Variants in RGS22 observed in about 807,000 individuals in gnomAD.
RGS22 encodes regulator of G protein signaling 22.
In RGS22, 148 loss-of-function variants were observed where a neutral mutation model predicts 172.9. The ratio of observed to expected loss-of-function variants is 0.86; its 90% confidence interval spans 0.75 to 0.98. RGS22 has a LOEUF of 0.98. RGS22 is among the 50% of genes least tolerant of loss of function. The pLI is 0.00. For missense variants in RGS22, 1,347 were observed against 1,440.8 expected (o/e 0.93, Z 1.05); for synonymous variants, 458 against 480.2 (o/e 0.95, Z 0.60).
At chr8:100,003,040 G>C (rs1240952585) in intron 17 of RGS22, 1 of 160,240 alleles carries the variant, frequency 6.2e-6, no homozygotes, top group Non-Finnish European at 1.4e-5. Flanking sequence ...GGGCGACAGA[G>C]TGAGACCTTG....
At chr8:100,026,547 T>A (rs1818196290) in intron 14 of RGS22, among the ~76,000 whole-genome samples, 1 of 152,208 alleles carries the variant, frequency 6.6e-6, no homozygotes. Flanking sequence ...ATGGGACCCA[T>A]GAAGTGACTT....
Position 100,065,836 on chromosome 8 carries a change from C to CA in RGS22, c.724+330dup, listed in dbSNP as rs1176614101. Reference sequence around the variant, plus strand: ...AAGAAATAATGACATTGATTGACTGCATATTAGGTACCAAGCACCAGGCCA... The same window carrying CA: ...AAGAAATAATGACATTGATTGACTGCAATATTAGGTACCAAGCACCAGGCCA... On this transcript the variant is annotated intron_variant, in intron 7 of 27. Coordinates refer to ENST00000360863, the MANE Select transcript of RGS22 (RefSeq NM_015668.5). Among the ~76,000 whole-genome samples, 14 of 152,094 alleles carry CA rather than the reference C, an allele frequency of 9.2e-5. No homozygotes were observed. In the South Asian group the frequency reaches 2.9e-3, roughly 32 times the overall value.
At chr8:99,991,261 T>G (rs1425857198) in intron 20 of RGS22, among the ~76,000 whole-genome samples, 2 of 152,166 alleles carry the variant, frequency 1.3e-5, no homozygotes, top group Non-Finnish European at 2.9e-5. Context: ...GGATGGACAA[T>G]GACTTTGACA....
At chr8:100,021,137 T>C (rs1817560607) in intron 14 of RGS22, among the ~76,000 whole-genome samples, 1 of 152,180 alleles carries the variant, frequency 6.6e-6, no homozygotes, top group African/African-American at 2.4e-5. Flanking sequence ...AAAAAACAAA[T>C]GACACCAGCT....
rs951243103 is a variant in RGS22, at chr8:100,105,910, CT to C, written c.11del (p.Lys4ArgfsTer26). On this transcript the variant is annotated frameshift_variant, in exon 1 of 28. Transcript: ENST00000360863. LOFTEE classifies it high-confidence loss of function. Reference sequence around the variant, plus strand: ...GCCGCCACCTACCCGCGGTGAGCCTCTTCTCGGGCATGCCGTCCCCGCTGCC... The same window carrying C: ...GCCGCCACCTACCCGCGGTGAGCCTCTCTCGGGCATGCCGTCCCCGCTGCC... MPE[K>X]RLTAEPPTIT... is the part of the protein sequence containing the mutation. 17 of 1,496,432 alleles carry C rather than the reference CT, an allele frequency of 1.1e-5. No individual in the cohort carries two copies. Among genetic ancestry groups the C allele is most frequent in the Non-Finnish European group, 1.5e-5 (17 of 1,125,464 alleles). 92.7% of individuals were successfully genotyped at this position (1,496,432 alleles called of 1,614,324 possible).
At chr8:100,025,848 C>T (rs1001647289) in intron 14 of RGS22, among the ~76,000 whole-genome samples, 3 of 152,160 alleles carry the variant, frequency 2.0e-5, no homozygotes, top group African/African-American at 7.2e-5. Flanking sequence ...CCAAATTTTA[C>T]GGGGGAGGAG....
chr8:100,058,125 A>C (rs71516856), intron 9 of RGS22, among the ~76,000 whole-genome samples: 915 of 152,106 alleles, frequency 6.0e-3, no homozygotes, highest in Admixed American at 0.011. Flanking sequence ...AAGAAGAAAG[A>C]ATCAGTGAGC....
intron 9 of RGS22, among the ~76,000 whole-genome samples, chr8:100,060,395 GCTACGTGTATATATATATATATATATA>G (rs2131763491): frequency 1.3e-5 from 1 of 74,594 alleles, no homozygotes; most frequent in East Asian, 4.6e-4. Flanking sequence ...TGCAACTTTA[GCTACGTGTATATATATATATATATATA>G]CACACACACA....
chr8:100,041,613 A>C (rs576471144), intron 12 of RGS22, among the ~76,000 whole-genome samples, 189 bp downstream of exon 12: 4 of 152,348 alleles, frequency 2.6e-5, no homozygotes, highest in African/African-American at 9.6e-5. Context: ...CAGTATATAG[A>C]ACCATGGTAC....
At chr8:100,098,089 C>G (rs1813124595) in intron 2 of RGS22, among the ~76,000 whole-genome samples, 1 of 152,140 alleles carries the variant, frequency 6.6e-6, no homozygotes, top group Admixed American at 6.5e-5. Context: ...TTTTTCTTCT[C>G]CAGAAGTCTG....
chr8:100,006,877 CA>C (rs1347875070), intron 15 of RGS22, among the ~76,000 whole-genome samples: 1 of 152,000 alleles, frequency 6.6e-6, no homozygotes, highest in African/African-American at 2.4e-5. Flanking sequence ...TTATAAGAAT[CA>C]TGACTAATGC....
In RGS22 at chr8:99,982,035, T is replaced by C. The variant is rs1812608804; in HGVS notation, c.3262A>G (p.Ile1088Val). The change falls in exon 22 of 28, where the codon ATT becomes GTT. Residue 1088 changes from isoleucine to valine, a missense_variant. Ile to Val is a conservative substitution (Grantham distance 29). Coordinates refer to ENST00000360863, the MANE Select transcript of RGS22 (RefSeq NM_015668.5). The stretch of plus-strand genomic sequence containing the variant: ...ATGTCAATTTGTAAAGCTGGTGGAA[T>C]ACTGGAATTAATAAAGCAGTTGATA... ...TIINCFINSS[I>V]PPALQIDIPV... 1.9e-6 allele frequency: 3 copies of C among 1,613,956 alleles called. No individual in the cohort carries two copies. The highest frequency in any genetic ancestry group is 2.5e-6 in the Non-Finnish European group (3 of 1,179,820).
intron 12 of RGS22, among the ~76,000 whole-genome samples, chr8:100,040,514 T>C (rs1819987499): frequency 6.6e-6 from 1 of 152,174 alleles, no homozygotes; most frequent in Non-Finnish European, 1.5e-5. Flanking sequence ...GGCCTCTCGG[T>C]GCTGCTCATT....
At chr8:99,984,403 G>T (rs1276826529) in intron 21 of RGS22, among the ~76,000 whole-genome samples, 1 of 152,068 alleles carries the variant, frequency 6.6e-6, no homozygotes, top group Non-Finnish European at 1.5e-5. Context: ...ATAATTTTGA[G>T]TAAAAGGACA....
At chr8:100,053,891 C>T (rs1045063904) in intron 9 of RGS22, among the ~76,000 whole-genome samples, 3 of 152,174 alleles carry the variant, frequency 2.0e-5, no homozygotes, top group East Asian at 1.9e-4. Context: ...TCCTCAGCCT[C>T]CCAAAGTGCT....
intron 7 of RGS22, among the ~76,000 whole-genome samples, chr8:100,065,874 C>T (rs1393721846): frequency 6.6e-6 from 1 of 152,060 alleles, no homozygotes; most frequent in Non-Finnish European, 1.5e-5. Flanking sequence ...CATTTTCTAT[C>T]CATTTAGTAT....
intron 20 of RGS22, among the ~76,000 whole-genome samples, chr8:99,990,930 T>G (rs1813651299): frequency 6.6e-6 from 1 of 152,142 alleles, no homozygotes; most frequent in Non-Finnish European, 1.5e-5. Flanking sequence ...GGCAGCAATA[T>G]TTGCTGTTCT....
At chr8:100,104,364 T>TGTGTA (rs1813755903) in intron 2 of RGS22, among the ~76,000 whole-genome samples, 1 of 98,078 alleles carries the variant, frequency 1.0e-5, no homozygotes, top group Non-Finnish European at 2.0e-5. Flanking sequence ...GTGTGTGTAT[T>TGTGTA]TTTTTTTTTC....
chr8:100,066,369 A>T (rs1476610530), intron 6 of RGS22, 73 bp from the exon 7 acceptor site: 2 of 1,216,976 alleles, frequency 1.6e-6, no homozygotes, highest in Non-Finnish European at 2.3e-6. Flanking sequence ...TGGAAAAATC[A>T]TTATAATAAT....
Sources: gnomAD v4.1 joint callset for allele counts (sites outside exome capture counted in the v4.1 genomes callset) on GRCh38, gnomAD v4.1.1 for gene constraint, MANE v1.5 for transcripts, NCBI Gene and HGNC (gene_info 2026-07-23, HGNC 2026-07-21) for gene names.